GALNTL6: variants seen among roughly 807,000 people sequenced by gnomAD.
GALNTL6 encodes polypeptide N-acetylgalactosaminyltransferase-like 6.
In GALNTL6, 46 loss-of-function variants were observed where a neutral mutation model predicts 73.7. That is an observed-to-expected ratio of 0.62 (90% CI 0.49 to 0.80). GALNTL6 has a LOEUF of 0.80. Among genes scored for constraint, GALNTL6 ranks in the 30% least tolerant of loss-of-function variants. The probability of loss-of-function intolerance (pLI) is 0.00; values close to 1 mark genes in which losing one functional copy is unlikely to be tolerated. For missense variants in GALNTL6, 604 were observed against 755.0 expected (o/e 0.80, Z 2.34); for synonymous variants, 259 against 263.7 (o/e 0.98, Z 0.17).
At chr4:172,713,287 T>C (rs1463370790) in intron 5 of GALNTL6, among the ~76,000 whole-genome samples, 4 of 144,376 alleles carry the variant, frequency 2.8e-5, no homozygotes, top group Non-Finnish European at 6.1e-5. Context: ...AAGAGAAAGA[T>C]TTATTTTAAG....
intron 5 of GALNTL6, among the ~76,000 whole-genome samples, chr4:172,591,154 C>A (rs548515878): frequency 3.0e-4 from 46 of 152,202 alleles, no homozygotes; most frequent in African/African-American, 1.1e-3. Context: ...TAGCCTCATT[C>A]TGTTTTTGTT....
intron 5 of GALNTL6, among the ~76,000 whole-genome samples, chr4:172,765,795 T>C (rs1277674850): frequency 6.6e-6 from 1 of 151,452 alleles, no homozygotes; most frequent in Non-Finnish European, 1.5e-5. Flanking sequence ...TTCATACTCA[T>C]CCAAAATACA....
intron 5 of GALNTL6, among the ~76,000 whole-genome samples, chr4:172,374,481 A>G (rs1176866418): frequency 6.6e-6 from 1 of 152,110 alleles, no homozygotes. Flanking sequence ...AGGGGAGTAT[A>G]TTTTCTTAAG....
chr4:172,420,335 C>A (rs1053524629), intron 5 of GALNTL6, among the ~76,000 whole-genome samples: 7 of 152,182 alleles, frequency 4.6e-5, no homozygotes, highest in Non-Finnish European at 7.3e-5. Flanking sequence ...TTGTGCAACT[C>A]CATAAAAAGT....
chr4:172,735,488 C>T (rs1358221008), intron 5 of GALNTL6, among the ~76,000 whole-genome samples: 1 of 152,150 alleles, frequency 6.6e-6, no homozygotes, highest in Non-Finnish European at 1.5e-5. Context: ...ATTTTATAGG[C>T]TCGTAGGCAG....
chr4:171,831,232 T>G (rs75656105), intron 2 of GALNTL6, among the ~76,000 whole-genome samples: 1 of 151,986 alleles, frequency 6.6e-6, no homozygotes, highest in East Asian at 1.9e-4. Flanking sequence ...AGCAGAAACG[T>G]AGAAGCAAGG....
At chr4:172,416,003 T>C (rs569927048) in intron 5 of GALNTL6, among the ~76,000 whole-genome samples, 2 of 152,266 alleles carry the variant, frequency 1.3e-5, no homozygotes, top group African/African-American at 2.4e-5. Context: ...TACTTTTTCT[T>C]TGAGGCAGAA....
At chr4:171,903,849 C>A (rs1222939933) in intron 2 of GALNTL6, among the ~76,000 whole-genome samples, 1 of 152,160 alleles carries the variant, frequency 6.6e-6, no homozygotes, top group African/African-American at 2.4e-5. Context: ...GACCCCTGAG[C>A]AGCCTAACTG....
chr4:172,378,783 T>A lies in GALNTL6; in HGVS notation c.553+30094T>A, dbSNP rs1477349961. ...TGTATCCATTATAAGCCAAAATTTT[T>A]GAGAAATATATTTTTGAGAGACTGT... On this transcript the variant is annotated intron_variant, in intron 5 of 12. Transcript: ENST00000506823. Among the ~76,000 whole-genome samples the A allele has an allele frequency of 3.9e-5, 6 of 152,080 alleles. No homozygotes were observed. In the South Asian group the frequency reaches 1.0e-3, roughly 26 times the overall value.
At position 172,893,353 on chromosome 4, in the gene GALNTL6, G is replaced by T. The variant is rs904835278; in HGVS notation, c.1041+10446G>T. Among the ~76,000 whole-genome samples the T allele has an allele frequency of 5.9e-5, 9 of 151,920 alleles. 1 individual carries two copies. Among genetic ancestry groups the T allele is most frequent in the African/African-American group, 1.7e-4 (7 of 41,360 alleles). ...AAGTGTTCTGAGAGTGGCGGGGGGG[G>T]GGTCTTCCCCTTCTCAAACTCAAGC... On this transcript the variant is annotated intron_variant, in intron 8 of 12. Coordinates refer to ENST00000506823, the MANE Select transcript of GALNTL6 (RefSeq NM_001034845.3).
intron 3 of GALNTL6, among the ~76,000 whole-genome samples, chr4:172,242,295 T>C (rs1737463195): frequency 6.6e-6 from 1 of 151,986 alleles, no homozygotes; most frequent in Non-Finnish European, 1.5e-5. Context: ...ACATGTTAAG[T>C]AATCCATTCA....
chr4:172,863,815 G>A (rs573997549), intron 7 of GALNTL6, among the ~76,000 whole-genome samples: 50 of 152,270 alleles, frequency 3.3e-4, no homozygotes, highest in Admixed American at 1.2e-3. Context: ...TTTGGGAGGA[G>A]CCAGGGGTGG....
intron 5 of GALNTL6, among the ~76,000 whole-genome samples, chr4:172,633,059 T>C (rs947150271): frequency 6.6e-6 from 1 of 152,188 alleles, no homozygotes; most frequent in Non-Finnish European, 1.5e-5. Context: ...AGATGTTTGC[T>C]TCAAGGTCAG....
chr4:172,156,739 A>T (rs1045636511), intron 2 of GALNTL6, among the ~76,000 whole-genome samples: 2 of 151,614 alleles, frequency 1.3e-5, no homozygotes, highest in African/African-American at 4.9e-5. Context: ...TGACTGATAC[A>T]CATAAAAAAG....
intron 2 of GALNTL6, among the ~76,000 whole-genome samples, chr4:171,846,415 T>C (rs1735369725): frequency 6.6e-6 from 1 of 152,076 alleles, no homozygotes; most frequent in African/African-American, 2.4e-5. Context: ...CCTACAACCA[T>C]GGCCAGAGGA....
At chr4:171,967,696 T>C (rs1460810035) in intron 2 of GALNTL6, among the ~76,000 whole-genome samples, 2 of 152,210 alleles carry the variant, frequency 1.3e-5, no homozygotes, top group East Asian at 3.8e-4. Flanking sequence ...ACAATTTCTT[T>C]CTCTTCTAAA....
intron 2 of GALNTL6, among the ~76,000 whole-genome samples, chr4:171,883,598 T>C (rs1205615237): frequency 6.6e-6 from 1 of 151,998 alleles, no homozygotes; most frequent in Non-Finnish European, 1.5e-5. Flanking sequence ...AGACTGAAAA[T>C]AGGTTTGTCT....
At chr4:172,580,214 A>C (rs994934740) in intron 5 of GALNTL6, among the ~76,000 whole-genome samples, 2 of 152,226 alleles carry the variant, frequency 1.3e-5, no homozygotes, top group African/African-American at 4.8e-5. Flanking sequence ...TGAAAACAGC[A>C]AAGTACAAAT....
chr4:172,172,420 C>T (rs1734860046), intron 2 of GALNTL6, among the ~76,000 whole-genome samples: 1 of 152,110 alleles, frequency 6.6e-6, no homozygotes, highest in Admixed American at 6.5e-5. Flanking sequence ...TTGTCTCGAA[C>T]TCCAGACCTC....
Sources: gnomAD v4.1 joint callset for allele counts (sites outside exome capture counted in the v4.1 genomes callset) on GRCh38, gnomAD v4.1.1 for gene constraint, MANE v1.5 for transcripts, NCBI Gene and HGNC (gene_info 2026-07-23, HGNC 2026-07-21) for gene names.